The following GRIA4 variants were observed in gnomAD, a reference collection of about 807,000 sequenced individuals.
GRIA4 encodes the protein glutamate ionotropic receptor AMPA type subunit 4.
GRIA4 carries 34 observed loss-of-function variants against 104.0 expected under a neutral mutation model. That is an observed-to-expected ratio of 0.33 (90% CI 0.25 to 0.44). GRIA4 has a LOEUF of 0.44. GRIA4 is among the 20% of genes least tolerant of loss of function. The pLI is 1.00. For missense variants in GRIA4, 750 were observed against 1,096.5 expected, an observed-to-expected ratio of 0.68 and a Z score of 4.46; for synonymous variants, 386 against 381.9, an observed-to-expected ratio of 1.01 and a Z score of -0.13.
intron 11 of GRIA4, among the ~76,000 whole-genome samples, chr11:105,921,482 C>A (rs541660111): frequency 1.8e-3 from 268 of 152,206 alleles, no homozygotes; most frequent in African/African-American, 6.1e-3. Flanking sequence ...TGCAACATCC[C>A]CGATGTTGGC....
intron 11 of GRIA4, among the ~76,000 whole-genome samples, chr11:105,922,959 T>C (rs987220611): frequency 2.0e-5 from 3 of 152,274 alleles, no homozygotes; most frequent in East Asian, 3.9e-4. Flanking sequence ...CTTGTATATA[T>C]GGGCTTTTAT....
At chr11:105,666,419 G>T (rs1198366951) in intron 3 of GRIA4, among the ~76,000 whole-genome samples, 1 of 151,916 alleles carries the variant, frequency 6.6e-6, no homozygotes, top group African/African-American at 2.4e-5. Flanking sequence ...ATGCTATCTT[G>T]TAGATATGAA....
chr11:105,633,051 T>C (rs1951078952), intron 3 of GRIA4, among the ~76,000 whole-genome samples: 1 of 152,212 alleles, frequency 6.6e-6, no homozygotes, highest in Admixed American at 6.5e-5. Context: ...TATGAGTTTG[T>C]TTTGGAGCTG....
intron 4 of GRIA4, among the ~76,000 whole-genome samples, chr11:105,789,881 A>T (rs1942140063): frequency 6.6e-6 from 1 of 152,174 alleles, no homozygotes; most frequent in Non-Finnish European, 1.5e-5. Context: ...AAGTGAAGTC[A>T]TTGTGGTACT....
chr11:105,678,448 T>C (rs1952609392), intron 3 of GRIA4, among the ~76,000 whole-genome samples: 1 of 152,090 alleles, frequency 6.6e-6, no homozygotes, highest in Non-Finnish European at 1.5e-5. Context: ...CTGTTTTTAA[T>C]TGGGGAAGCT....
chr11:105,668,193 CAT>C (rs57189096), intron 3 of GRIA4, among the ~76,000 whole-genome samples: 6,437 of 27,110 alleles, frequency 0.24, 418 homozygotes, highest in African/African-American at 0.37. Context: ...TACTCCATTG[CAT>C]ATACACACAC....
At chr11:105,952,379 C>T (rs947240013) in intron 14 of GRIA4, among the ~76,000 whole-genome samples, 1 of 151,968 alleles carries the variant, frequency 6.6e-6, no homozygotes, top group Non-Finnish European at 1.5e-5. Flanking sequence ...ACTCTGTGAC[C>T]TAAAATTGAC....
At chr11:105,969,238 G>A (rs886773755) in intron 14 of GRIA4, among the ~76,000 whole-genome samples, 4 of 151,784 alleles carry the variant, frequency 2.6e-5, no homozygotes, top group African/African-American at 7.3e-5. Context: ...ACCAATGCAA[G>A]AATAAAGGAA....
rs529692825 is a variant in GRIA4, at chr11:105,897,121, T to A, written c.727-1148T>A. On this transcript the variant is annotated intron_variant, in intron 6 of 16. Transcript: ENST00000282499. ...TGGTAGTTTTCCTTATAGAGGTCTC[T>A]AACCTTCTTGGTTAAATGCATTCCT... 2.6e-4 allele frequency among the ~76,000 whole-genome samples: 39 copies of A among 152,312 alleles called. No homozygotes were observed. In the South Asian group the frequency reaches 7.9e-3, roughly 31 times the overall value.
At chr11:105,873,040 C>T (rs1332820026) in intron 5 of GRIA4, among the ~76,000 whole-genome samples, 1 of 152,006 alleles carries the variant, frequency 6.6e-6, no homozygotes, top group East Asian at 1.9e-4. Flanking sequence ...CCGTCATCTA[C>T]ATTAGGTATT....
chr11:105,904,736 A>G (rs1946981370), intron 8 of GRIA4, among the ~76,000 whole-genome samples: 2 of 152,216 alleles, frequency 1.3e-5, no homozygotes, highest in South Asian at 4.1e-4. Context: ...GGAATAAAAT[A>G]TATTTCAATA....
chr11:105,894,277 A>G (rs1225742576), intron 6 of GRIA4, among the ~76,000 whole-genome samples: 1 of 152,162 alleles, frequency 6.6e-6, no homozygotes, highest in Non-Finnish European at 1.5e-5. Flanking sequence ...GGTGAAAAAG[A>G]CAAACTCAAG....
chr11:105,849,648 T>C (rs1247121469), intron 4 of GRIA4, among the ~76,000 whole-genome samples: 11 of 152,186 alleles, frequency 7.2e-5, no homozygotes. Flanking sequence ...AAGCCTCAGA[T>C]AAGGAGAGTG....
intron 4 of GRIA4, among the ~76,000 whole-genome samples, chr11:105,798,638 T>C (rs1211020214): frequency 6.6e-6 from 1 of 152,060 alleles, no homozygotes; most frequent in African/African-American, 2.4e-5. Flanking sequence ...GTGGCAATAA[T>C]CTAGATGAGA....
intron 3 of GRIA4, among the ~76,000 whole-genome samples, chr11:105,751,028 TAA>T (rs1939965180): frequency 6.6e-6 from 1 of 152,178 alleles, no homozygotes; most frequent in South Asian, 2.1e-4. Context: ...ATTATATGCA[TAA>T]GTTAAAGTAC....
At position 105,835,496 on chromosome 11, in the gene GRIA4, TG is replaced by T. The variant is rs1481634555; in HGVS notation, c.488-26526del. On this transcript the variant is annotated intron_variant, in intron 4 of 16. Transcript: ENST00000282499. Reference sequence around the variant, plus strand: ...GAATGCAACAGTAGGCATAATCAAATGGTATTGAAATACAGCCATGTACACC... The same window carrying T: ...GAATGCAACAGTAGGCATAATCAAATGTATTGAAATACAGCCATGTACACC... Among the ~76,000 whole-genome samples the T allele has an allele frequency of 3.3e-5, 5 of 152,154 alleles. No individual in the cohort carries two copies. The East Asian group carries it at 9.7e-4, about 29-fold the overall frequency.
At chr11:105,801,496 T>C (rs763342415) in intron 4 of GRIA4, among the ~76,000 whole-genome samples, 77 of 152,194 alleles carry the variant, frequency 5.1e-4, no homozygotes, top group Admixed American at 5.9e-4. Flanking sequence ...AAATAAACTT[T>C]GAAGAAATTC....
rs556958264 is a variant in GRIA4, at chr11:105,767,249, G to T, written c.487+14029G>T. Reference sequence around the variant, plus strand: ...TCAGGAGCTTCTGAGGCCCGCTAATGAATGATCAGGAATGCTTGTTCCCTA... The same window carrying T: ...TCAGGAGCTTCTGAGGCCCGCTAATTAATGATCAGGAATGCTTGTTCCCTA... On this transcript the variant is annotated intron_variant, in intron 4 of 16. Transcript: ENST00000282499. Among the ~76,000 whole-genome samples, 5 of 152,220 alleles carry T rather than the reference G, an allele frequency of 3.3e-5. No individual in the cohort carries two copies. The South Asian group carries it at 1.0e-3, about 32-fold the overall frequency.
intron 10 of GRIA4, among the ~76,000 whole-genome samples, chr11:105,918,226 A>G (rs1022476081): frequency 1.3e-5 from 2 of 152,164 alleles, no homozygotes; most frequent in Non-Finnish European, 2.9e-5. Context: ...CTAGAGATCA[A>G]AGAAAAATGA....
Sources: allele counts gnomAD v4.1 joint callset (sites outside exome capture counted in the v4.1 genomes callset), GRCh38; gene constraint gnomAD v4.1.1; transcripts MANE v1.5; gene names NCBI Gene and HGNC (gene_info 2026-07-23, HGNC 2026-07-21).